PARVA: variants seen among roughly 807,000 people sequenced by gnomAD.
The protein encoded by PARVA is parvin alpha, also known as alpha-parvin.
PARVA carries 25 observed loss-of-function variants against 52.6 expected under a neutral mutation model. The observed-to-expected ratio is 0.48, with a 90% CI of 0.35 to 0.66. The LOEUF (loss-of-function observed/expected upper bound fraction) is 0.66. Among genes scored for constraint, PARVA ranks in the 30% least tolerant of loss-of-function variants. The probability of loss-of-function intolerance (pLI) is 0.01; values close to 1 mark genes in which losing one functional copy is unlikely to be tolerated. For missense variants in PARVA, 373 were observed against 450.9 expected (o/e 0.83, Z 1.56); for synonymous variants, 185 against 179.1 (o/e 1.03, Z -0.26).
intron 5 of PARVA, among the ~76,000 whole-genome samples, chr11:12,499,532 A>G (rs757791006): frequency 5.5e-4 from 83 of 151,868 alleles, no homozygotes; most frequent in Non-Finnish European, 9.6e-4. Flanking sequence ...CACATGTATT[A>G]TGCTTATTGT....
intron 1 of PARVA, among the ~76,000 whole-genome samples, chr11:12,427,746 G>A (rs1026500645): frequency 6.6e-6 from 1 of 152,178 alleles, no homozygotes; most frequent in Non-Finnish European, 1.5e-5. Flanking sequence ...GTAAGCTTTA[G>A]GTAAAAACAT....
At chr11:12,464,363 C>A (rs142165297) in intron 1 of PARVA, among the ~76,000 whole-genome samples, 1 of 152,338 alleles carries the variant, frequency 6.6e-6, no homozygotes, top group Non-Finnish European at 1.5e-5. Flanking sequence ...TAACCTCCCA[C>A]TCCAGTGAGA....
At chr11:12,467,561 C>G (rs1940869463) in intron 1 of PARVA, among the ~76,000 whole-genome samples, 1 of 152,184 alleles carries the variant, frequency 6.6e-6, no homozygotes, top group Non-Finnish European at 1.5e-5. Flanking sequence ...TGATTTTTCA[C>G]ATAGAGAAAC....
intron 1 of PARVA, among the ~76,000 whole-genome samples, chr11:12,395,452 G>A (rs1939728398): frequency 6.6e-6 from 1 of 152,158 alleles, no homozygotes; most frequent in Admixed American, 6.5e-5. Context: ...GGAGAATCGG[G>A]CTGCTGAAGA....
In PARVA at chr11:12,468,234, C is replaced by T. The variant is rs567533938; in HGVS notation, c.137-5511C>T. On this transcript the variant is annotated intron_variant, in intron 1 of 12. Transcript: ENST00000334956. Reference sequence around the variant, plus strand: ...GGCCTACCTTTCCCACCACCTTGAGCAGACTGAGGCAGGCCTACGTCAAAT... The same window carrying T: ...GGCCTACCTTTCCCACCACCTTGAGTAGACTGAGGCAGGCCTACGTCAAAT... 1.5e-3 allele frequency among the ~76,000 whole-genome samples: 226 copies of T among 152,294 alleles called. 1 individual carries two copies. Among genetic ancestry groups the T allele is most frequent in the Non-Finnish European group, 2.4e-3 (161 of 68,028 alleles).
intron 1 of PARVA, among the ~76,000 whole-genome samples, chr11:12,425,437 T>C (rs1310466562): frequency 2.0e-5 from 3 of 152,176 alleles, no homozygotes; most frequent in Non-Finnish European, 2.9e-5. Context: ...AGTCTTCTAG[T>C]TGCACCCCTA....
intron 5 of PARVA, among the ~76,000 whole-genome samples, chr11:12,498,626 G>A (rs1941329317): frequency 7.0e-6 from 1 of 142,086 alleles, no homozygotes; most frequent in South Asian, 2.2e-4. Context: ...CCAGGCTGAA[G>A]TGAAGTGGCA....
At chr11:12,492,793 A>G (rs1941248882) in intron 4 of PARVA, among the ~76,000 whole-genome samples, 1 of 152,124 alleles carries the variant, frequency 6.6e-6, no homozygotes, top group African/African-American at 2.4e-5. Context: ...CTGTAAGGCA[A>G]TAGCTTTCAT....
chr11:12,402,375 C>T (rs1402286150), intron 1 of PARVA, among the ~76,000 whole-genome samples: 1 of 152,184 alleles, frequency 6.6e-6, no homozygotes, highest in African/African-American at 2.4e-5. Context: ...ATCCATTGGC[C>T]AAACTCAACC....
intron 5 of PARVA, among the ~76,000 whole-genome samples, chr11:12,501,792 A>G (rs145776014): frequency 1.2e-3 from 178 of 152,344 alleles, no homozygotes; most frequent in Non-Finnish European, 2.0e-3. Context: ...TAGAGCATTC[A>G]TTGAATGAGT....
At position 12,517,620 on chromosome 11, in the gene PARVA, G is replaced by A. The variant is rs188970789; in HGVS notation, c.878G>A (p.Gly293Glu). The A allele has an allele frequency of 1.5e-4, 232 of 1,596,350 alleles. No individual in the cohort carries two copies. Among genetic ancestry groups the A allele is most frequent in the Non-Finnish European group, 1.9e-4 (222 of 1,170,878 alleles). Residue 293 changes from glycine to glutamate, a missense_variant, in exon 11 of 13, where the codon GGG becomes GAG. By Grantham distance (98) the Gly-to-Glu change is moderately conservative. Coordinates refer to ENST00000334956, the MANE Select transcript of PARVA (RefSeq NM_018222.5). ...VTELETQFAD[G>E]VYLVLLMGLL... is the part of the protein sequence containing the mutation. ...TGGCTCTTCCTCCAGTTTGCAGATGGGGTGTACCTGGTGCTGCTCATGGGG... is the reference window on the plus strand; with the variant it reads ...TGGCTCTTCCTCCAGTTTGCAGATGAGGTGTACCTGGTGCTGCTCATGGGG...
chr11:12,447,013 T>C (rs1386163740), intron 1 of PARVA, among the ~76,000 whole-genome samples: 1 of 152,178 alleles, frequency 6.6e-6, no homozygotes, highest in Admixed American at 6.5e-5. Context: ...TGGCTCTCTG[T>C]CTCCTCTCTA....
chr11:12,385,168 T>C (rs1456524316), intron 1 of PARVA, among the ~76,000 whole-genome samples: 1 of 152,006 alleles, frequency 6.6e-6, no homozygotes, highest in Non-Finnish European at 1.5e-5. Flanking sequence ...AAACCCCATC[T>C]CTACAAAAAA....
At chr11:12,395,941 A>C (rs1435394051) in intron 1 of PARVA, among the ~76,000 whole-genome samples, 2 of 152,234 alleles carry the variant, frequency 1.3e-5, no homozygotes, top group Non-Finnish European at 2.9e-5. Flanking sequence ...TAAAACTCAG[A>C]AGGTTGAAAA....
intron 1 of PARVA, among the ~76,000 whole-genome samples, chr11:12,454,576 T>A (rs1406368401): frequency 3.7e-4 from 53 of 142,748 alleles, no homozygotes; most frequent in Non-Finnish European, 6.6e-4. Context: ...AAGTATCATT[T>A]AAAAAAAAAA....
chr11:12,511,769 A>G (rs975583946), intron 8 of PARVA, among the ~76,000 whole-genome samples: 8 of 152,180 alleles, frequency 5.3e-5, no homozygotes, highest in Admixed American at 4.6e-4. Context: ...CCATTTACAA[A>G]GCACTTTTGT....
intron 4 of PARVA, among the ~76,000 whole-genome samples, chr11:12,493,929 A>G (rs74421466): frequency 0.01 from 1,537 of 152,284 alleles, 3 homozygotes; most frequent in Non-Finnish European, 0.016. Context: ...GAGTGTCCCC[A>G]CTTCAGTTGG....
chr11:12,529,243 G>T lies in PARVA; in HGVS notation c.*1318G>T, dbSNP rs887456792. On this transcript the variant is annotated 3_prime_UTR_variant, in exon 13 of 13. Transcript: ENST00000334956. Reference sequence around the variant, plus strand: ...GTTACTCAAGGGCTTGTGGTTACTTGTATCTCCTCTATGTGAACTTGACTT... The same window carrying T: ...GTTACTCAAGGGCTTGTGGTTACTTTTATCTCCTCTATGTGAACTTGACTT... 1 of 152,188 alleles carries T rather than the reference G, an allele frequency of 6.6e-6. No individual in the cohort carries two copies. The highest frequency in any genetic ancestry group is 1.5e-5 in the Non-Finnish European group (1 of 68,044). 9.4% of individuals were successfully genotyped at this position (152,188 alleles called of 1,614,324 possible).
chr11:12,426,118 C>T (rs760851024), intron 1 of PARVA, among the ~76,000 whole-genome samples: 8 of 152,240 alleles, frequency 5.3e-5, no homozygotes, highest in South Asian at 2.1e-4. Context: ...ACAAGTCAAC[C>T]GACAAATAAG....
Sources: allele counts gnomAD v4.1 joint callset (sites outside exome capture counted in the v4.1 genomes callset), GRCh38; gene constraint gnomAD v4.1.1; transcripts MANE v1.5; gene names NCBI Gene and HGNC (gene_info 2026-07-23, HGNC 2026-07-21).